The following KCNN3 variants were observed in gnomAD, a reference collection of about 807,000 sequenced individuals.
The protein encoded by KCNN3 is small conductance calcium-activated potassium channel protein 3.
Under a neutral mutation model 62.9 loss-of-function variants are expected in KCNN3, and 16 were observed. The observed-to-expected ratio is 0.25, with a 90% confidence interval of 0.17 to 0.39. KCNN3 has a LOEUF of 0.39. KCNN3 is among the 10% of genes least tolerant of loss of function. The pLI is 1.00. For synonymous variants in KCNN3, 370 were observed against 389.2 expected (o/e 0.95, Z 0.58); for missense variants, 599 against 949.4 (o/e 0.63, Z 4.85).
At chr1:154,838,719 G>A (rs1233705709) in intron 1 of KCNN3, among the ~76,000 whole-genome samples, 1 of 152,090 alleles carries the variant, frequency 6.6e-6, no homozygotes, top group East Asian at 1.9e-4. Context: ...GTCCCTTCAG[G>A]CCTCTTCGGG....
chr1:154,818,591 T>G (rs1042613584), intron 2 of KCNN3, among the ~76,000 whole-genome samples: 1 of 152,200 alleles, frequency 6.6e-6, no homozygotes, highest in Non-Finnish European at 1.5e-5. Context: ...AGAGGCCCCA[T>G]GCAGTGTTCA....
At position 154,738,913 on chromosome 1, in the gene KCNN3, C is replaced by T. The variant is rs564144367; in HGVS notation, c.1449-5769G>A. Among the ~76,000 whole-genome samples, 13 of 152,242 alleles carry T rather than the reference C, an allele frequency of 8.5e-5. No individual in the cohort carries two copies. The East Asian group carries it at 2.5e-3, about 29-fold the overall frequency. On this transcript the variant is annotated intron_variant, in intron 3 of 7. Transcript: ENST00000271915. ...ATTAGTGTTGACTGAGTAATGTAAA[C>T]ACTGATTACTGCTTTAACCAAAATT...
chr1:154,869,103 G>C lies in KCNN3; in HGVS notation c.862C>G (p.Leu288Val). 6.2e-7 allele frequency: 1 copy of C among 1,614,126 alleles called. No homozygotes were observed. The highest frequency in any genetic ancestry group is 8.5e-7 in the Non-Finnish European group (1 of 1,180,022). The change falls in exon 1 of 8, where the codon CTG (leucine) becomes GTG (valine). Residue 288 changes from leucine (L) to valine (V), a missense_variant. Physicochemically the swap from Leu to Val is conservative, Grantham distance 32 (BLOSUM62 1). Around this residue, in one of 7 missense-constraint regions of KCNN3, gnomAD observed 288 missense variants for 557.4 expected, o/e 0.52. Transcript: ENST00000271915. This position sits in a 1 kb window ranked among gnomAD's most constrained non-coding sequence, Gnocchi z 6.1. ...ACAATTCCAAACATCCCAAAAATCA[G>C]AGCATAGTCACTCAGTCGCTTTCTC... ...EKRKRLSDYA[L>V]IFGMFGIVVM...
chr1:154,700,799 T>A lies in KCNN3; in HGVS notation c.*7177A>T, dbSNP rs957875345. 2.0e-5 allele frequency: 3 copies of A among 151,956 alleles called. No homozygotes were observed. Among genetic ancestry groups the A allele is most frequent in the African/African-American group, 7.3e-5 (3 of 41,340 alleles). The allele number at this position is 151,956 out of a possible 1,614,324, so 9.4% of individuals were successfully genotyped here. A position where few individuals can be genotyped will look rare whatever the true frequency, so the allele number is the denominator to read the frequency against. On this transcript the variant is annotated 3_prime_UTR_variant, in exon 8 of 8. Transcript: ENST00000271915. ...GCCTGGGCGACAGAGTGAGACTCCATCTCAAAATAATAATAATAATAATTT... is the reference window on the plus strand; with the variant it reads ...GCCTGGGCGACAGAGTGAGACTCCAACTCAAAATAATAATAATAATAATTT...
intron 4 of KCNN3, among the ~76,000 whole-genome samples, chr1:154,727,156 G>A (rs1298162021): frequency 6.6e-6 from 1 of 152,216 alleles, no homozygotes; most frequent in East Asian, 1.9e-4. Flanking sequence ...CCCTCTGCCT[G>A]CATGCTGTGC....
chr1:154,740,792 G>A (rs924177569), intron 3 of KCNN3, among the ~76,000 whole-genome samples: 9 of 152,058 alleles, frequency 5.9e-5, no homozygotes, highest in Non-Finnish European at 8.8e-5. Context: ...CTTCTGTGGC[G>A]TGTCATTCAT....
At chr1:154,786,481 G>A (rs1196091376) in intron 2 of KCNN3, among the ~76,000 whole-genome samples, 2 of 152,128 alleles carry the variant, frequency 1.3e-5, no homozygotes, top group African/African-American at 4.8e-5. Context: ...AAAATGAAGT[G>A]GATCTATATG....
In KCNN3 at chr1:154,706,811, C is replaced by T. The variant is rs1043719527; in HGVS notation, c.*1165G>A. 2 of 152,230 alleles carry T rather than the reference C, an allele frequency of 1.3e-5. No homozygotes were observed. Among genetic ancestry groups the T allele is most frequent in the African/African-American group, 4.8e-5 (2 of 41,460 alleles). 9.4% of individuals were successfully genotyped at this position (152,230 alleles called of 1,614,324 possible). ...CCTTTTGCACTACTAACATCTGGGG[C>T]TGGAAACCTGTTGCTGGATAAATAC... On this transcript the variant is annotated 3_prime_UTR_variant, in exon 8 of 8. Transcript: ENST00000271915.
At chr1:154,708,836 C>G (rs1700017364) in intron 7 of KCNN3, among the ~76,000 whole-genome samples, 1 of 152,098 alleles carries the variant, frequency 6.6e-6, no homozygotes, top group African/African-American at 2.4e-5. Flanking sequence ...CTATTTTAAC[C>G]CAGCAGACAG....
At chr1:154,722,236 G>A (rs1444208041) in intron 5 of KCNN3, among the ~76,000 whole-genome samples, 1 of 152,096 alleles carries the variant, frequency 6.6e-6, no homozygotes, top group Non-Finnish European at 1.5e-5. Flanking sequence ...AAGCATCAAG[G>A]TTGCATATAC....
chr1:154,831,054 C>T lies in KCNN3; in HGVS notation c.934-8870G>A, dbSNP rs185251491. ...CCACTTACAATATTGGCAAAGATTC[C>T]ATGCGATTCAATCAAACTTTTTATT... On this transcript the variant is annotated intron_variant, in intron 1 of 7. Coordinates refer to ENST00000271915, the MANE Select transcript of KCNN3 (RefSeq NM_002249.6). Among the ~76,000 whole-genome samples, 9 of 152,272 alleles carry T rather than the reference C, an allele frequency of 5.9e-5. No homozygotes were observed. In the South Asian group the frequency reaches 6.2e-4, roughly 11 times the overall value.
At chr1:154,861,532 C>A (rs1424711947) in intron 1 of KCNN3, among the ~76,000 whole-genome samples, 2 of 152,160 alleles carry the variant, frequency 1.3e-5, no homozygotes, top group Admixed American at 1.3e-4. Context: ...CACTCTGCCC[C>A]CTCTCCCCGG....
chr1:154,747,799 G>A (rs942750078), intron 3 of KCNN3, among the ~76,000 whole-genome samples: 3 of 152,084 alleles, frequency 2.0e-5, no homozygotes, highest in South Asian at 2.1e-4. Flanking sequence ...CTCCTGTAGC[G>A]TTGAGTGCAC....
chr1:154,726,328 G>C (rs185534040), intron 4 of KCNN3, among the ~76,000 whole-genome samples: 170 of 152,250 alleles, frequency 1.1e-3, no homozygotes, highest in Non-Finnish European at 1.4e-3. Flanking sequence ...GCTTTGGGGG[G>C]TTTAACCAAC....
intron 2 of KCNN3, among the ~76,000 whole-genome samples, chr1:154,801,401 A>T (rs917557577): frequency 6.6e-6 from 1 of 152,112 alleles, no homozygotes; most frequent in African/African-American, 2.4e-5. Context: ...CACTAGAGGG[A>T]AATAGATCAA....
intron 4 of KCNN3, among the ~76,000 whole-genome samples, chr1:154,732,197 G>A (rs1438232307): frequency 6.6e-6 from 1 of 152,240 alleles, no homozygotes; most frequent in African/African-American, 2.4e-5. Context: ...CAGAGTGCCT[G>A]GCCCAGGGTC....
chr1:154,818,045 T>C (rs1300996319), intron 2 of KCNN3, among the ~76,000 whole-genome samples: 1 of 152,094 alleles, frequency 6.6e-6, no homozygotes, highest in African/African-American at 2.4e-5. Context: ...GTAAATGGAC[T>C]CTCCAAGGGA....
chr1:154,780,194 CTTTTTTTT>C (rs71077969), intron 2 of KCNN3, among the ~76,000 whole-genome samples: 31,940 of 102,190 alleles, frequency 0.31, 4,511 homozygotes, highest in Middle Eastern at 0.44. Flanking sequence ...TTCTTTTTTT[CTTTTTTTT>C]TTTTTTTTTT....
intron 3 of KCNN3, among the ~76,000 whole-genome samples, chr1:154,733,538 G>T (rs1336287050): frequency 2.0e-5 from 3 of 152,168 alleles, no homozygotes; most frequent in African/African-American, 7.2e-5. Context: ...ACAAGCTCCT[G>T]AACAGGGAAA....
Sources: allele counts gnomAD v4.1 joint callset (sites outside exome capture counted in the v4.1 genomes callset), GRCh38; gene constraint gnomAD v4.1.1; regional missense constraint gnomAD v4.1.1; non-coding constraint Gnocchi (gnomAD v3.1); transcripts MANE v1.5; gene names NCBI Gene and HGNC (gene_info 2026-07-23, HGNC 2026-07-21).